LSM12: variants seen among roughly 807,000 people sequenced by gnomAD.
LSM12 encodes protein LSM12.
For missense variants in LSM12, 108 were observed against 238.9 expected, an observed-to-expected ratio of 0.45 and a Z score of 3.61; for synonymous variants, 74 against 87.3, an observed-to-expected ratio of 0.85 and a Z score of 0.85.
In LSM12 at chr17:44,036,597, TAC is replaced by T. The variant is rs565148467; in HGVS notation, c.496-299_496-298del. ...TGACCTAAACTCCTCCTCTCTTCTATACCCAAGTACAAAATGAAAAGCTGCTG... is the reference window on the plus strand; with the variant it reads ...TGACCTAAACTCCTCCTCTCTTCTATCCAAGTACAAAATGAAAAGCTGCTG... On this transcript the variant is annotated intron_variant, in intron 4 of 4. Transcript: ENST00000293406. 1.4e-3 allele frequency among the ~76,000 whole-genome samples: 207 copies of T among 152,140 alleles called. 1 individual carries two copies. Among genetic ancestry groups the T allele is most frequent in the Admixed American group, 3.7e-3 (57 of 15,282 alleles).
chr17:44,041,302 CACA>C (rs1567955833), intron 2 of LSM12, among the ~76,000 whole-genome samples: 3 of 127,426 alleles, frequency 2.4e-5, no homozygotes, highest in African/African-American at 9.1e-5. Flanking sequence ...CACACACACA[CACA>C]CACACACACA....
At chr17:44,047,223 T>C (rs948604953) in intron 2 of LSM12, among the ~76,000 whole-genome samples, 1 of 152,184 alleles carries the variant, frequency 6.6e-6, no homozygotes, top group African/African-American at 2.4e-5. Context: ...TGATACAGTA[T>C]TCAAAGCTTT....
At position 44,063,878 on chromosome 17, in the gene LSM12, G is replaced by C; in HGVS notation, c.181C>G (p.Gln61Glu). 2 of 1,613,854 alleles carry C rather than the reference G, an allele frequency of 1.2e-6. No individual in the cohort carries two copies. The highest frequency in any genetic ancestry group is 1.7e-6 in the Non-Finnish European group (2 of 1,179,936). ...ATTATTTCCACTTCTGAAACATACT[G>C]TAAGTTTATGAGCAAGATGTCTGCA... ...NHADILLINL[Q>E]YVSEVEIIND... The change falls in exon 2 of 5, where the codon CAG becomes GAG. Residue 61 changes from glutamine to glutamate, a missense_variant. Physicochemically the swap from Gln to Glu is conservative, Grantham distance 29 (BLOSUM62 2). Coordinates refer to ENST00000293406, the MANE Select transcript of LSM12 (RefSeq NM_001371445.1).
At chr17:44,050,053 C>T (rs1265859418) in intron 2 of LSM12, among the ~76,000 whole-genome samples, 2 of 152,180 alleles carry the variant, frequency 1.3e-5, no homozygotes, top group Non-Finnish European at 2.9e-5. Context: ...CTTGCATGTT[C>T]CCTATGTTTT....
intron 3 of LSM12, among the ~76,000 whole-genome samples, chr17:44,038,871 T>A (rs2049450034): frequency 6.6e-6 from 1 of 152,076 alleles, no homozygotes; most frequent in African/African-American, 2.4e-5. Context: ...AATGTTCAGA[T>A]ACTCACACCA....
chr17:44,052,312 A>C (rs911323169), intron 2 of LSM12, among the ~76,000 whole-genome samples: 3 of 151,648 alleles, frequency 2.0e-5, no homozygotes, highest in African/African-American at 7.3e-5. Context: ...CCCTGTTTCT[A>C]CAAAAAAAAA....
chr17:44,062,626 C>G (rs1337636678), intron 2 of LSM12, among the ~76,000 whole-genome samples: 1 of 152,068 alleles, frequency 6.6e-6, no homozygotes, highest in Non-Finnish European at 1.5e-5. Flanking sequence ...GTGGCTGACA[C>G]CTGTAATCCC....
intron 2 of LSM12, among the ~76,000 whole-genome samples, chr17:44,055,507 CAAAA>C (rs893366294): frequency 3.1e-5 from 2 of 65,030 alleles, no homozygotes; most frequent in African/African-American, 9.9e-5. Context: ...ACCAAAAATA[CAAAA>C]AAAAAAAAAA....
chr17:44,048,520 G>A (rs973372371), intron 2 of LSM12, among the ~76,000 whole-genome samples: 15 of 147,668 alleles, frequency 1.0e-4, no homozygotes, highest in African/African-American at 3.5e-4. Flanking sequence ...AAAATTCAAT[G>A]ACTATCACCC....
chr17:44,039,622 C>T (rs1337404530), intron 3 of LSM12, among the ~76,000 whole-genome samples: 3 of 150,884 alleles, frequency 2.0e-5, no homozygotes, highest in East Asian at 2.0e-4. Context: ...ACCTCATGAT[C>T]CACCTGCCTC....
intron 2 of LSM12, among the ~76,000 whole-genome samples, chr17:44,042,889 G>C (rs1263374442): frequency 6.6e-6 from 1 of 151,994 alleles, no homozygotes; most frequent in African/African-American, 2.4e-5. Flanking sequence ...TTTTAGTAGA[G>C]ACAGGATTTC....
upstream of LSM12, chr17:44,066,723 G>C (rs2144123110): frequency 8.8e-7 from 1 of 1,141,488 alleles, no homozygotes; most frequent in African/African-American, 1.6e-5. Context: ...GGCGCTGGTT[G>C]GGGCGGGATC....
At chr17:44,045,877 C>T (rs1263506658) in intron 2 of LSM12, among the ~76,000 whole-genome samples, 1 of 151,580 alleles carries the variant, frequency 6.6e-6, no homozygotes, top group Non-Finnish European at 1.5e-5. Flanking sequence ...CCGGCTGTTT[C>T]CAGTTTTTGG....
At chr17:44,053,660 A>G (rs530155287) in intron 2 of LSM12, among the ~76,000 whole-genome samples, 1 of 152,326 alleles carries the variant, frequency 6.6e-6, no homozygotes, top group African/African-American at 2.4e-5. Context: ...GAGGTCACAC[A>G]TTCATTAACA....
intron 2 of LSM12, among the ~76,000 whole-genome samples, chr17:44,049,745 C>T (rs2049617998): frequency 6.6e-6 from 1 of 152,212 alleles, no homozygotes; most frequent in South Asian, 2.1e-4. Flanking sequence ...CAGGAAGGCA[C>T]AGGTGCCGTG....
chr17:44,066,300 G>A (rs1438516128), intron 1 of LSM12, among the ~76,000 whole-genome samples, 164 bp downstream of exon 1: 1 of 152,214 alleles, frequency 6.6e-6, no homozygotes, highest in Non-Finnish European at 1.5e-5. Context: ...AGGGCCCGCG[G>A]GAGGGGGAGG....
chr17:44,062,934 G>C (rs530886795), intron 2 of LSM12, among the ~76,000 whole-genome samples: 2 of 151,990 alleles, frequency 1.3e-5, no homozygotes, highest in African/African-American at 4.8e-5. Flanking sequence ...GCCAGGCGTC[G>C]TGGCACACAC....
chr17:44,051,878 C>T (rs1473178343), intron 2 of LSM12, among the ~76,000 whole-genome samples: 2 of 152,006 alleles, frequency 1.3e-5, no homozygotes, highest in East Asian at 1.9e-4. Flanking sequence ...GAGGCCGAGG[C>T]GGGTGGATCA....
In LSM12 at chr17:44,038,592, T is replaced by C. The variant is rs757204327; in HGVS notation, c.369-1054A>G. On this transcript the variant is annotated intron_variant, in intron 3 of 4. Coordinates refer to ENST00000293406, the MANE Select transcript of LSM12 (RefSeq NM_001371445.1). ...ATCGCTTGAACCTGGGAGGCAGAGA[T>C]TGCAGTGAGCCAAGATTGCACCATT... 5.3e-5 allele frequency among the ~76,000 whole-genome samples: 8 copies of C among 152,090 alleles called. No homozygotes were observed. In the South Asian group the frequency reaches 8.3e-4, roughly 16 times the overall value.
Sources: allele counts gnomAD v4.1 joint callset (sites outside exome capture counted in the v4.1 genomes callset), GRCh38; gene constraint gnomAD v4.1.1; transcripts MANE v1.5; gene names NCBI Gene and HGNC (gene_info 2026-07-23, HGNC 2026-07-21).